The following DPP10 variants were observed in gnomAD, a reference collection of about 807,000 sequenced individuals.
The protein encoded by DPP10 is inactive dipeptidyl peptidase 10.
DPP10 carries 33 observed loss-of-function variants against 120.9 expected under a neutral mutation model. The observed-to-expected ratio is 0.27, with a 90% CI of 0.21 to 0.37. The LOEUF (loss-of-function observed/expected upper bound fraction) is 0.37. Among genes scored for constraint, DPP10 ranks in the 10% least tolerant of loss-of-function variants. The pLI is 1.00. For missense variants in DPP10, 816 were observed against 942.8 expected (o/e 0.87, Z 1.76); for synonymous variants, 337 against 326.1 (o/e 1.03, Z -0.36).
chr2:115,344,090 C>T (rs565355056), intron 3 of DPP10, among the ~76,000 whole-genome samples, 178 bp downstream of exon 3: 3 of 145,088 alleles, frequency 2.1e-5, no homozygotes, highest in South Asian at 2.2e-4. Flanking sequence ...GAGCCGAGAT[C>T]GCACCACTGC....
chr2:114,762,568 A>T (rs1230355676), intron 1 of DPP10, among the ~76,000 whole-genome samples: 2 of 152,246 alleles, frequency 1.3e-5, no homozygotes, highest in Non-Finnish European at 2.9e-5. Context: ...AACACAGAAA[A>T]TGATAAACAA....
chr2:115,261,811 T>C (rs2059262688), intron 1 of DPP10, among the ~76,000 whole-genome samples: 1 of 152,216 alleles, frequency 6.6e-6, no homozygotes, highest in Non-Finnish European at 1.5e-5. Context: ...GGTTTAGTTA[T>C]ATTATTGCAA....
chr2:115,841,245 C>A (rs1690113343), intron 25 of DPP10, among the ~76,000 whole-genome samples: 1 of 150,992 alleles, frequency 6.6e-6, no homozygotes, highest in Admixed American at 6.6e-5. Flanking sequence ...ATTTATAATT[C>A]TCATAATAAA....
intron 1 of DPP10, among the ~76,000 whole-genome samples, chr2:114,877,414 T>C (rs2106584353): frequency 6.6e-6 from 1 of 152,122 alleles, no homozygotes; most frequent in Admixed American, 6.6e-5. Context: ...GCCTACTTTC[T>C]CCATTGGAAG....
At chr2:115,379,981 T>C (rs1250042441) in intron 3 of DPP10, among the ~76,000 whole-genome samples, 2 of 152,216 alleles carry the variant, frequency 1.3e-5, no homozygotes, top group African/African-American at 4.8e-5. Context: ...AAGTATGTGG[T>C]CAATTTTGGA....
chr2:115,481,701 A>G (rs1041836852), intron 3 of DPP10, among the ~76,000 whole-genome samples: 16 of 151,598 alleles, frequency 1.1e-4, no homozygotes, highest in African/African-American at 3.6e-4. Context: ...AAAGTAATTA[A>G]CTCTTTTTGA....
intron 9 of DPP10, among the ~76,000 whole-genome samples, chr2:115,744,912 C>T (rs113300433): frequency 0.023 from 3,422 of 150,296 alleles, 261 homozygotes; most frequent in Admixed American, 0.067. Context: ...CTTCTTTAAG[C>T]ATCAGCCACA....
intron 16 of DPP10, among the ~76,000 whole-genome samples, chr2:115,781,988 G>A (rs1198428224): frequency 6.6e-6 from 1 of 151,922 alleles, no homozygotes; most frequent in Non-Finnish European, 1.5e-5. Context: ...TTTGATCTTG[G>A]ATCAGTGGAT....
chr2:114,942,959 T>C (rs1697072148), intron 1 of DPP10, among the ~76,000 whole-genome samples: 1 of 152,160 alleles, frequency 6.6e-6, no homozygotes. Flanking sequence ...TGCAGGTTTC[T>C]TACATAGGTA....
At chr2:114,871,318 T>A (rs924544908) in intron 1 of DPP10, among the ~76,000 whole-genome samples, 17 of 152,188 alleles carry the variant, frequency 1.1e-4, no homozygotes, top group South Asian at 4.1e-4. Flanking sequence ...AAGAATTTTT[T>A]AAAAAATTTG....
intron 3 of DPP10, among the ~76,000 whole-genome samples, chr2:115,445,201 T>C (rs560721585): frequency 6.6e-6 from 1 of 152,296 alleles, no homozygotes; most frequent in South Asian, 2.1e-4. Context: ...ATTAAATCTC[T>C]TTCCTTTATG....
At chr2:115,103,081 C>T (rs1197847598) in intron 1 of DPP10, among the ~76,000 whole-genome samples, 2 of 151,670 alleles carry the variant, frequency 1.3e-5, no homozygotes, top group Non-Finnish European at 2.9e-5. Context: ...AACTCTAAAA[C>T]AGAAATAACT....
chr2:115,587,874 T>C lies in DPP10; in HGVS notation c.441+61902T>C, dbSNP rs139188330. Among the ~76,000 whole-genome samples, 600 of 152,346 alleles carry C rather than the reference T, an allele frequency of 3.9e-3. 3 individuals are homozygous for C. The highest frequency in any genetic ancestry group is 6.7e-3 in the Non-Finnish European group (454 of 68,040). On this transcript the variant is annotated intron_variant, in intron 5 of 25. Coordinates refer to ENST00000410059, the MANE Select transcript of DPP10 (RefSeq NM_020868.6). ...TTAAATATTAGGCATACTAAGTTTT[T>C]ATCAGTGATAGAATTTACAGTATCT...
At chr2:114,671,890 T>C (rs183158035) in intron 1 of DPP10, among the ~76,000 whole-genome samples, 114 of 152,248 alleles carry the variant, frequency 7.5e-4, no homozygotes, top group Non-Finnish European at 1.3e-3. Flanking sequence ...CTTTTTTCAC[T>C]TTTTTGGAGG....
At chr2:114,929,012 A>G (rs1695856680) in intron 1 of DPP10, among the ~76,000 whole-genome samples, 1 of 152,196 alleles carries the variant, frequency 6.6e-6, no homozygotes. Flanking sequence ...AATAAAGAGA[A>G]AGAGTACAAA....
Position 115,057,198 on chromosome 2 carries a change from A to G in DPP10, c.61-252041A>G, listed in dbSNP as rs973252299. Reference sequence around the variant, plus strand: ...ATATGAGCTAAAAGAAAATATGCCCAGATACCACCTTACCCTAGCAGCATA... The same window carrying G: ...ATATGAGCTAAAAGAAAATATGCCCGGATACCACCTTACCCTAGCAGCATA... On this transcript the variant is annotated intron_variant, in intron 1 of 25. Coordinates refer to ENST00000410059, the MANE Select transcript of DPP10 (RefSeq NM_020868.6). 2.0e-5 allele frequency among the ~76,000 whole-genome samples: 3 copies of G among 152,324 alleles called. No individual in the cohort carries two copies. The Middle Eastern group carries it at 0.01, about 518-fold the overall frequency.
At chr2:115,830,732 T>C (rs909833837) in intron 21 of DPP10, among the ~76,000 whole-genome samples, 7 of 151,996 alleles carry the variant, frequency 4.6e-5, no homozygotes, top group Non-Finnish European at 8.8e-5. Context: ...CCAATTTAGA[T>C]TGGAGGTAAG....
chr2:114,954,361 G>A (rs914300564), intron 1 of DPP10, among the ~76,000 whole-genome samples: 4 of 152,034 alleles, frequency 2.6e-5, no homozygotes, highest in African/African-American at 7.2e-5. Flanking sequence ...GGGATTACAG[G>A]CATGAGCCAC....
intron 1 of DPP10, among the ~76,000 whole-genome samples, chr2:114,489,782 G>A (rs946886032): frequency 3.3e-5 from 5 of 152,090 alleles, no homozygotes; most frequent in South Asian, 2.1e-4. Flanking sequence ...AACATCTACC[G>A]TAAAATACAT....
Sources: allele counts gnomAD v4.1 joint callset (sites outside exome capture counted in the v4.1 genomes callset), GRCh38; gene constraint gnomAD v4.1.1; transcripts MANE v1.5; gene names NCBI Gene and HGNC (gene_info 2026-07-23, HGNC 2026-07-21).